Variants in SPHKAP observed in about 807,000 individuals in gnomAD.
SPHKAP encodes A-kinase anchor protein SPHKAP.
Under a neutral mutation model 137.5 loss-of-function variants are expected in SPHKAP, and 67 were observed. The ratio of observed to expected loss-of-function variants is 0.49; its 90% CI spans 0.40 to 0.60. The LOEUF is 0.60. Ranked by LOEUF, SPHKAP falls within the 20% of genes least tolerant of loss-of-function variation. The pLI is 0.00. For synonymous variants in SPHKAP, 813 were observed against 785.3 expected (o/e 1.04, Z -0.59); for missense variants, 2,097 against 2,069.3 (o/e 1.01, Z -0.26).
At chr2:228,103,733 T>C (rs1204994343) in intron 3 of SPHKAP, among the ~76,000 whole-genome samples, 1 of 152,204 alleles carries the variant, frequency 6.6e-6, no homozygotes, top group African/African-American at 2.4e-5. Context: ...CTTACTTTTC[T>C]ACAGACAGCA....
In SPHKAP at chr2:227,995,581, G is replaced by T; in HGVS notation, c.4562C>A (p.Thr1521Asn). The T allele has an allele frequency of 6.2e-7, 1 of 1,614,044 alleles. No individual in the cohort carries two copies. The highest frequency in any genetic ancestry group is 8.5e-7 in the Non-Finnish European group (1 of 1,179,986). The change falls in exon 8 of 12, where the codon ACC becomes AAC. Residue 1521 changes from threonine to asparagine, a missense_variant. Thr to Asn is a moderately conservative substitution (Grantham distance 65). Transcript: ENST00000392056. ...SSSEESTGSW[T>N]QLANEEDNPD... ...GTTGTCTTCCTCATTGGCAAGCTGG[G>T]TCCAGCTGCCTGTGCTCTCCTCGCT...
chr2:228,003,219 T>G (rs1200091179), intron 7 of SPHKAP, among the ~76,000 whole-genome samples: 2 of 152,262 alleles, frequency 1.3e-5, no homozygotes, highest in African/African-American at 4.8e-5. Flanking sequence ...TTCTTCCATT[T>G]GTTTGTGTCC....
At chr2:228,160,238 T>A (rs1700234794) in intron 1 of SPHKAP, among the ~76,000 whole-genome samples, 1 of 152,228 alleles carries the variant, frequency 6.6e-6, no homozygotes, top group Non-Finnish European at 1.5e-5. Context: ...GTTCTTTAGC[T>A]AGATCTATGA....
In SPHKAP at chr2:228,067,407, T is replaced by C. The variant is rs185419972; in HGVS notation, c.247-39864A>G. On this transcript the variant is annotated intron_variant, in intron 3 of 11. Coordinates refer to ENST00000392056, the MANE Select transcript of SPHKAP (RefSeq NM_001142644.2). Reference sequence around the variant, plus strand: ...TATAAAATTCAATATAGGCTACCTATACTGAGCTAGGAATCTGAAAAGGTG... The same window carrying C: ...TATAAAATTCAATATAGGCTACCTACACTGAGCTAGGAATCTGAAAAGGTG... 7.2e-5 allele frequency among the ~76,000 whole-genome samples: 11 copies of C among 152,370 alleles called. No individual in the cohort carries two copies. In the East Asian group the frequency reaches 1.5e-3, roughly 21 times the overall value.
At chr2:228,034,815 C>T (rs1013479576) in intron 3 of SPHKAP, among the ~76,000 whole-genome samples, 11 of 152,050 alleles carry the variant, frequency 7.2e-5, no homozygotes, top group Non-Finnish European at 1.2e-4. Context: ...AAAAGGCTTT[C>T]GACAAAATTC....
Position 227,995,577 on chromosome 2 carries a change from C to T in SPHKAP, c.4566G>A (p.Gln1522=), listed in dbSNP as rs2106168337. 6.2e-7 allele frequency: 1 copy of T among 1,614,116 alleles called. No individual in the cohort carries two copies. The highest frequency in any genetic ancestry group is 1.1e-5 in the South Asian group (1 of 91,076). ...CTGGGTTGTCTTCCTCATTGGCAAG[C>T]TGGGTCCAGCTGCCTGTGCTCTCCT... ...SSEESTGSWT[Q]LANEEDNPDD... The change falls in exon 8 of 12, where the codon CAG becomes CAA. Residue 1522 remains glutamine, a synonymous_variant. Transcript: ENST00000392056.
intron 3 of SPHKAP, among the ~76,000 whole-genome samples, chr2:228,030,752 A>G (rs11893086): frequency 0.2 from 30,812 of 151,072 alleles, 3,547 homozygotes; most frequent in East Asian, 0.39. Flanking sequence ...ATTTTTGACT[A>G]ACTACTCTTT....
intron 1 of SPHKAP, among the ~76,000 whole-genome samples, chr2:228,135,746 ATTG>A (rs1433652421): frequency 6.6e-5 from 10 of 152,162 alleles, no homozygotes; most frequent in Admixed American, 6.5e-4. Flanking sequence ...GTAGTTGTTC[ATTG>A]TTGTGAGTAT....
At chr2:228,077,674 G>A (rs1409841896) in intron 3 of SPHKAP, among the ~76,000 whole-genome samples, 1 of 152,220 alleles carries the variant, frequency 6.6e-6, no homozygotes, top group African/African-American at 2.4e-5. Context: ...CATAGGTGGA[G>A]GGGATTTGCC....
At chr2:228,038,696 C>T (rs1480099337) in intron 3 of SPHKAP, among the ~76,000 whole-genome samples, 1 of 152,170 alleles carries the variant, frequency 6.6e-6, no homozygotes, top group Non-Finnish European at 1.5e-5. Flanking sequence ...CCTGTTAGTT[C>T]ATGAGGGCAG....
At chr2:228,092,085 ATATG>A (rs1166393651) in intron 3 of SPHKAP, among the ~76,000 whole-genome samples, 1 of 150,272 alleles carries the variant, frequency 6.7e-6, no homozygotes, top group African/African-American at 2.4e-5. Context: ...ATATGTATAT[ATATG>A]TGTGTATATA....
intron 3 of SPHKAP, among the ~76,000 whole-genome samples, chr2:228,073,220 A>G (rs1284006224): frequency 6.6e-6 from 1 of 152,188 alleles, no homozygotes; most frequent in African/African-American, 2.4e-5. Flanking sequence ...TGATGATGTA[A>G]GGAGGGTGCT....
intron 3 of SPHKAP, among the ~76,000 whole-genome samples, chr2:228,063,154 A>ATCTATCTG (rs1696710345): frequency 7.2e-6 from 1 of 139,108 alleles, no homozygotes. Flanking sequence ...CTATCTATCT[A>ATCTATCTG]TCTATCTATC....
intron 1 of SPHKAP, among the ~76,000 whole-genome samples, chr2:228,172,428 C>T (rs1253940056): frequency 1.3e-5 from 2 of 152,150 alleles, no homozygotes; most frequent in East Asian, 3.9e-4. Flanking sequence ...CAGGGTGAGA[C>T]TCATTTCTCC....
chr2:228,124,557 G>A (rs1699011672), intron 2 of SPHKAP, among the ~76,000 whole-genome samples: 1 of 145,244 alleles, frequency 6.9e-6, no homozygotes. Flanking sequence ...CACAGGAAGG[G>A]GAACATCACA....
chr2:228,009,769 CT>C lies in SPHKAP; in HGVS notation c.4448+6636del, dbSNP rs536826116. On this transcript the variant is annotated intron_variant, in intron 7 of 11. Coordinates refer to ENST00000392056, the MANE Select transcript of SPHKAP (RefSeq NM_001142644.2). ...TGTGTTAGAACAAGTGTAGATTAGC[CT>C]TTATTTTTAGGGCTAGTTTAGCTTT... Among the ~76,000 whole-genome samples the C allele has an allele frequency of 1.7e-3, 257 of 151,680 alleles. 1 individual carries two copies. The highest frequency in any genetic ancestry group is 5.8e-3 in the African/African-American group (241 of 41,328).
chr2:228,029,712 A>AT (rs1312354682), intron 3 of SPHKAP, among the ~76,000 whole-genome samples: 1 of 152,218 alleles, frequency 6.6e-6, no homozygotes, highest in East Asian at 1.9e-4. Flanking sequence ...GGGAAGTTTG[A>AT]TAATATTCAT....
intron 3 of SPHKAP, among the ~76,000 whole-genome samples, chr2:228,048,651 G>A (rs1696151431): frequency 6.6e-6 from 1 of 151,972 alleles, no homozygotes; most frequent in South Asian, 2.1e-4. Flanking sequence ...TGTTACAATT[G>A]CCAACAGTAT....
At chr2:228,154,707 C>T (rs1021700358) in intron 1 of SPHKAP, among the ~76,000 whole-genome samples, 1 of 125,270 alleles carries the variant, frequency 8.0e-6, no homozygotes, top group Admixed American at 9.0e-5. Context: ...TGCCACCATG[C>T]CTGGCTAATT....
Sources: gnomAD v4.1 joint callset for allele counts (sites outside exome capture counted in the v4.1 genomes callset) on GRCh38, gnomAD v4.1.1 for gene constraint, MANE v1.5 for transcripts, NCBI Gene and HGNC (gene_info 2026-07-23, HGNC 2026-07-21) for gene names.